The following EDIL3 variants were observed in gnomAD, a reference collection of about 807,000 sequenced individuals.
The protein encoded by EDIL3 is EGF like and discoidin domains 3, also known as EGF-like repeat and discoidin I-like domain-containing protein 3.
Under a neutral mutation model 67.4 loss-of-function variants are expected in EDIL3, and 37 were observed. The observed-to-expected ratio is 0.55, with a 90% confidence interval of 0.42 to 0.72. EDIL3 has a LOEUF of 0.72. Among genes scored for constraint, EDIL3 ranks in the 30% least tolerant of loss-of-function variants. The probability of loss-of-function intolerance (pLI) is 0.00; values close to 1 mark genes in which losing one functional copy is unlikely to be tolerated. For missense variants in EDIL3, 527 were observed against 586.3 expected (o/e 0.90, Z 1.04); for synonymous variants, 195 against 196.3 (o/e 0.99, Z 0.05).
intron 10 of EDIL3, among the ~76,000 whole-genome samples, chr5:83,958,986 C>T (rs745730515): frequency 1.3e-5 from 2 of 150,930 alleles, no homozygotes; most frequent in African/African-American, 2.4e-5. Context: ...TCATCACAGG[C>T]TCAATTACAA....
At chr5:84,040,302 G>T (rs1158952918) in intron 9 of EDIL3, among the ~76,000 whole-genome samples, 1 of 151,928 alleles carries the variant, frequency 6.6e-6, no homozygotes. Flanking sequence ...TTTACCCAAG[G>T]CCTCTTTAAC....
chr5:84,106,829 T>G lies in EDIL3; in HGVS notation c.471A>C (p.Lys157Asn). The change falls in exon 6 of 11, where the codon AAA becomes AAC. Residue 157 changes from lysine to asparagine, a missense_variant and splice_region_variant. By Grantham distance (94) the Lys-to-Asn change is moderately conservative. Transcript: ENST00000296591. ...GEFMGRNCQY[K>N]CSGPLGIEGG... ...CTTCAATTCCCAGTGGGCCTGAGCA[T>G]TCTGGAAACAAAAACAGGAAAAAAT... is the stretch of plus-strand genomic sequence containing the variant. 1 of 1,592,604 alleles carries G rather than the reference T, an allele frequency of 6.3e-7. No homozygotes were observed. The highest frequency in any genetic ancestry group is 8.5e-7 in the Non-Finnish European group (1 of 1,172,408).
chr5:84,153,292 TCTTTTATTATTA>T (rs936986607), intron 4 of EDIL3, among the ~76,000 whole-genome samples: 2 of 152,084 alleles, frequency 1.3e-5, no homozygotes, highest in Non-Finnish European at 2.9e-5. Context: ...TTGTTATTAT[TCTTTTATTATTA>T]TTATTTTTTT....
At chr5:84,171,064 G>C (rs570646560) in intron 4 of EDIL3, among the ~76,000 whole-genome samples, 1 of 152,074 alleles carries the variant, frequency 6.6e-6, no homozygotes, top group Non-Finnish European at 1.5e-5. Flanking sequence ...CAAAGTGCTG[G>C]GATTATAGCT....
chr5:84,031,885 T>C (rs1292040933), intron 9 of EDIL3, among the ~76,000 whole-genome samples: 1 of 152,208 alleles, frequency 6.6e-6, no homozygotes, highest in Non-Finnish European at 1.5e-5. Context: ...ATTTCCAATA[T>C]GCTGGATATG....
chr5:84,115,675 G>C (rs1467688248), intron 5 of EDIL3, among the ~76,000 whole-genome samples: 1 of 152,128 alleles, frequency 6.6e-6, no homozygotes, highest in African/African-American at 2.4e-5. Flanking sequence ...AGAGTATTTG[G>C]ATTTTTCATG....
chr5:84,357,071 C>G (rs1314379050), intron 1 of EDIL3, among the ~76,000 whole-genome samples: 1 of 151,312 alleles, frequency 6.6e-6, no homozygotes, highest in Admixed American at 6.6e-5. Flanking sequence ...ATTACAGGCA[C>G]CCACCACCAC....
At chr5:84,169,076 C>T (rs1238359735) in intron 4 of EDIL3, among the ~76,000 whole-genome samples, 1 of 152,006 alleles carries the variant, frequency 6.6e-6, no homozygotes, top group Non-Finnish European at 1.5e-5. Context: ...ACTTCATTCA[C>T]ATCTCTGCTT....
intron 5 of EDIL3, among the ~76,000 whole-genome samples, chr5:84,127,844 T>C (rs1747893880): frequency 1.3e-5 from 2 of 152,282 alleles, no homozygotes; most frequent in South Asian, 4.1e-4. Context: ...TCTAATCTTA[T>C]CACTTCATCA....
chr5:84,186,632 T>C (rs935761251), intron 3 of EDIL3, among the ~76,000 whole-genome samples: 13 of 152,046 alleles, frequency 8.6e-5, no homozygotes, highest in African/African-American at 2.7e-4. Context: ...TATTAAAACA[T>C]GAAAATTAAG....
chr5:84,117,035 T>G lies in EDIL3; in HGVS notation c.470-10205A>C, dbSNP rs1032838379. Among the ~76,000 whole-genome samples, 17 of 139,482 alleles carry G rather than the reference T, an allele frequency of 1.2e-4. No individual in the cohort carries two copies. In the South Asian group the frequency reaches 3.6e-3, roughly 29 times the overall value. The allele number at this position is 139,482 out of a possible 152,430, so 91.5% of individuals were successfully genotyped here. Reference sequence around the variant, plus strand: ...TTAAGTACTTATTTTTTTTTTTTTTTTTTTTTTTTTGAGACGGAGTCTCGC... The same window carrying G: ...TTAAGTACTTATTTTTTTTTTTTTTGTTTTTTTTTTGAGACGGAGTCTCGC... On this transcript the variant is annotated intron_variant, in intron 5 of 10. Transcript: ENST00000296591.
intron 6 of EDIL3, among the ~76,000 whole-genome samples, chr5:84,069,504 A>G (rs564669209): frequency 5.2e-4 from 79 of 152,350 alleles, no homozygotes; most frequent in African/African-American, 1.5e-3. Flanking sequence ...AAACATTAAC[A>G]ACATCTGCCA....
chr5:84,174,087 T>C (rs1172340091), intron 4 of EDIL3, among the ~76,000 whole-genome samples: 4 of 152,100 alleles, frequency 2.6e-5, no homozygotes, highest in African/African-American at 4.8e-5. Flanking sequence ...GCTGAAGACA[T>C]GGCATGGCAT....
intron 1 of EDIL3, among the ~76,000 whole-genome samples, chr5:84,349,990 A>G (rs1212410003): frequency 1.3e-5 from 2 of 152,134 alleles, no homozygotes; most frequent in African/African-American, 4.8e-5. Flanking sequence ...ATTTATTTCT[A>G]CAAATGAAGA....
At chr5:84,016,768 C>T in intron 9 of EDIL3, among the ~76,000 whole-genome samples, 2 of 152,180 alleles carry the variant, frequency 1.3e-5, no homozygotes, top group Middle Eastern at 6.8e-3. Context: ...TTCCAAAATC[C>T]AGAAAAATAT....
chr5:84,302,096 T>G (rs542958910), intron 1 of EDIL3, among the ~76,000 whole-genome samples: 1 of 152,264 alleles, frequency 6.6e-6, no homozygotes, highest in East Asian at 1.9e-4. Context: ...TACAAATCTG[T>G]CTCAAAAATC....
chr5:84,095,689 A>G (rs938504262), intron 6 of EDIL3, among the ~76,000 whole-genome samples: 19 of 152,214 alleles, frequency 1.2e-4, no homozygotes, highest in Admixed American at 3.3e-4. Flanking sequence ...GCAAAGCATA[A>G]AAGTTTGGAA....
At chr5:83,958,159 A>T (rs1258311662) in intron 10 of EDIL3, among the ~76,000 whole-genome samples, 1 of 151,656 alleles carries the variant, frequency 6.6e-6, no homozygotes, top group Non-Finnish European at 1.5e-5. Context: ...AAAACAGAAA[A>T]CTACACTTAG....
At chr5:84,103,273 A>G (rs1747400461) in intron 6 of EDIL3, among the ~76,000 whole-genome samples, 1 of 152,178 alleles carries the variant, frequency 6.6e-6, no homozygotes, top group African/African-American at 2.4e-5. Flanking sequence ...TCCCTGAAAG[A>G]CAACCTAGGC....
Sources: gnomAD v4.1 joint callset for allele counts (sites outside exome capture counted in the v4.1 genomes callset) on GRCh38, gnomAD v4.1.1 for gene constraint, MANE v1.5 for transcripts, NCBI Gene and HGNC (gene_info 2026-07-23, HGNC 2026-07-21) for gene names.